Variants in ATG5 observed in about 807,000 individuals in gnomAD.
The protein encoded by ATG5 is autophagy protein 5.
ATG5 carries 14 observed loss-of-function variants against 36.5 expected under a neutral mutation model. That is an observed-to-expected ratio of 0.38 (90% confidence interval 0.25 to 0.60). ATG5 has a LOEUF of 0.60. Ranked by LOEUF, ATG5 falls within the 20% of genes least tolerant of loss-of-function variation. The pLI is 0.60. For synonymous variants in ATG5, 95 were observed against 101.5 expected, an observed-to-expected ratio of 0.94 and a Z score of 0.38; for missense variants, 195 against 326.7, an observed-to-expected ratio of 0.60 and a Z score of 3.11.
chr6:106,231,910 G>A (rs1034902437), intron 6 of ATG5, among the ~76,000 whole-genome samples: 1 of 152,188 alleles, frequency 6.6e-6, no homozygotes, highest in African/African-American at 2.4e-5. Flanking sequence ...AAAGGGAAAA[G>A]CTAGGCAAAT....
intron 5 of ATG5, among the ~76,000 whole-genome samples, chr6:106,254,819 G>T (rs1215018087): frequency 1.3e-5 from 2 of 152,192 alleles, no homozygotes; most frequent in Non-Finnish European, 2.9e-5. Context: ...TTACAGAACT[G>T]CTGGACTGTT....
At chr6:106,322,255 A>G (rs2114692255) in intron 1 of ATG5, among the ~76,000 whole-genome samples, 1 of 152,354 alleles carries the variant, frequency 6.6e-6, no homozygotes, top group Admixed American at 6.5e-5. Flanking sequence ...AGAAAATGGC[A>G]CGGTGTGACA....
intron 3 of ATG5, among the ~76,000 whole-genome samples, chr6:106,293,620 G>C (rs1780409496): frequency 6.6e-6 from 1 of 151,956 alleles, no homozygotes; most frequent in Admixed American, 6.6e-5. Flanking sequence ...ATACAGATTA[G>C]GACTATCCTT....
At chr6:106,246,768 A>G (rs545111167) in intron 6 of ATG5, among the ~76,000 whole-genome samples, 9 of 152,366 alleles carry the variant, frequency 5.9e-5, no homozygotes, top group African/African-American at 1.9e-4. Context: ...CTTCAACTAA[A>G]TTATACAAGT....
At chr6:106,284,878 T>A (rs531697409) in intron 4 of ATG5, among the ~76,000 whole-genome samples, 20 of 152,312 alleles carry the variant, frequency 1.3e-4, no homozygotes, top group Admixed American at 9.8e-4. Flanking sequence ...GTTATTTCCA[T>A]ATTCCGTATA....
intron 6 of ATG5, among the ~76,000 whole-genome samples, chr6:106,204,068 G>C (rs974959579): frequency 2.0e-5 from 3 of 152,040 alleles, no homozygotes; most frequent in African/African-American, 7.3e-5. Context: ...CACACACCAA[G>C]GCCTGTCGGG....
chr6:106,199,480 G>A (rs914203957), intron 7 of ATG5, among the ~76,000 whole-genome samples: 4 of 152,172 alleles, frequency 2.6e-5, no homozygotes, highest in African/African-American at 9.7e-5. Flanking sequence ...ATGCTGTATG[G>A]TTCAATTTAT....
Position 106,316,144 on chromosome 6 carries a change from A to C in ATG5, c.65T>G (p.Leu22Arg). 1 of 1,613,738 alleles carries C rather than the reference A, an allele frequency of 6.2e-7. No homozygotes were observed. Among genetic ancestry groups the C allele is most frequent in the Non-Finnish European group, 8.5e-7 (1 of 1,179,758 alleles). The change falls in exon 2 of 8, where the codon CTA becomes CGA. Residue 22 changes from leucine (L) to arginine (R), a missense_variant. By Grantham distance (102) the Leu-to-Arg change is moderately radical. Coordinates refer to ENST00000369076, the MANE Select transcript of ATG5 (RefSeq NM_004849.4). ...CCTTTCAGTTATCTCATCCTGATAT[A>C]GCGTGAAACAAGTTGGAATTCGTCC... Reference protein sequence around the residue: ...WFGRIPTCFTLYQDEITEREA... With the variant: ...WFGRIPTCFTRYQDEITEREA...
rs1053029128 is a variant in ATG5 at position 106,202,185 on chromosome 6, C to T, written c.574-96G>A. The T allele has an allele frequency of 4.2e-5, 35 of 836,466 alleles. No individual in the cohort carries two copies. In the Admixed American group the frequency reaches 4.8e-4, roughly 11 times the overall value. 51.8% of individuals were successfully genotyped at this position (836,466 alleles called of 1,614,324 possible). On this transcript the variant is annotated intron_variant, in intron 6 of 7. Transcript: ENST00000369076. ...ATAAACTTTATGTTGGCATTAGGTG[C>T]CTTTTGATACGGTGTTAGCATAATT... is the stretch of plus-strand genomic sequence containing the variant.
intron 7 of ATG5, among the ~76,000 whole-genome samples, chr6:106,199,862 T>G (rs773348478): frequency 1.1e-4 from 17 of 152,160 alleles, no homozygotes; most frequent in Non-Finnish European, 2.4e-4. Context: ...ACCCTAGCAC[T>G]AGAGATACAT....
At chr6:106,238,271 G>A (rs1777976158) in intron 6 of ATG5, among the ~76,000 whole-genome samples, 1 of 152,072 alleles carries the variant, frequency 6.6e-6, no homozygotes, top group African/African-American at 2.4e-5. Context: ...CCACTTCCCA[G>A]GGTTCAAGTG....
chr6:106,205,296 C>T (rs1776587824), intron 6 of ATG5, among the ~76,000 whole-genome samples: 1 of 152,128 alleles, frequency 6.6e-6, no homozygotes. Flanking sequence ...AGGTACCTCC[C>T]GCAGTCCAAC....
At chr6:106,207,084 T>TA in intron 6 of ATG5, among the ~76,000 whole-genome samples, 1 of 152,200 alleles carries the variant, frequency 6.6e-6, no homozygotes, top group South Asian at 2.1e-4. Flanking sequence ...AGAAACAGTA[T>TA]TACTCTCATG....
At chr6:106,263,502 G>A (rs568343006) in intron 5 of ATG5, among the ~76,000 whole-genome samples, 11 of 152,318 alleles carry the variant, frequency 7.2e-5, no homozygotes, top group African/African-American at 2.6e-4. Flanking sequence ...CAGAACACCA[G>A]CTCTGCTAAG....
chr6:106,218,476 G>C (rs1269684517), intron 6 of ATG5, among the ~76,000 whole-genome samples: 3 of 152,140 alleles, frequency 2.0e-5, no homozygotes, highest in African/African-American at 7.2e-5. Flanking sequence ...ATGTGATATG[G>C]CTTAGAAAGG....
intron 5 of ATG5, among the ~76,000 whole-genome samples, chr6:106,269,036 TA>T (rs1779336440): frequency 6.6e-6 from 1 of 152,150 alleles, no homozygotes; most frequent in Admixed American, 6.5e-5. Flanking sequence ...TCCTAGAACT[TA>T]AAGTAAAATA....
At chr6:106,269,116 A>G (rs1278373164) in intron 5 of ATG5, among the ~76,000 whole-genome samples, 2 of 152,062 alleles carry the variant, frequency 1.3e-5, no homozygotes, top group Admixed American at 6.5e-5. Context: ...GGTTCTCCAC[A>G]TCCCCACTAG....
chr6:106,285,858 C>T (rs1205540426), intron 4 of ATG5, among the ~76,000 whole-genome samples: 1 of 152,298 alleles, frequency 6.6e-6, no homozygotes, highest in East Asian at 1.9e-4. Flanking sequence ...TCTTATATCA[C>T]AGGCCATGCA....
rs6900904 is a variant in ATG5 at position 106,189,704 on chromosome 6, T to C, written c.692-3028A>G. 1.8e-3 allele frequency among the ~76,000 whole-genome samples: 266 copies of C among 151,746 alleles called. 2 individuals are homozygous for C. Among genetic ancestry groups the C allele is most frequent in the African/African-American group, 6.1e-3 (253 of 41,410 alleles). Reference sequence around the variant, plus strand: ...CTTACAGTACAAAGGAAACACCTGATACTGTTAAAGTAAACAATATTTTTG... The same window carrying C: ...CTTACAGTACAAAGGAAACACCTGACACTGTTAAAGTAAACAATATTTTTG... On this transcript the variant is annotated intron_variant, in intron 7 of 7. Transcript: ENST00000369076.
Sources: gnomAD v4.1 joint callset for allele counts (sites outside exome capture counted in the v4.1 genomes callset) on GRCh38, gnomAD v4.1.1 for gene constraint, MANE v1.5 for transcripts, NCBI Gene and HGNC (gene_info 2026-07-23, HGNC 2026-07-21) for gene names.